CNTN4: variants seen among roughly 807,000 people sequenced by gnomAD.
The protein encoded by CNTN4 is contactin-4.
Under a neutral mutation model 122.5 loss-of-function variants are expected in CNTN4, and 77 were observed. The ratio of observed to expected loss-of-function variants is 0.63; its 90% CI spans 0.52 to 0.76. The LOEUF (loss-of-function observed/expected upper bound fraction) is 0.76. Among genes scored for constraint, CNTN4 ranks in the 30% least tolerant of loss-of-function variants. The probability of loss-of-function intolerance (pLI) is 0.00; values close to 1 mark genes in which losing one functional copy is unlikely to be tolerated. For missense variants in CNTN4, 1,256 were observed against 1,259.1 expected (o/e 1.00, Z 0.04); for synonymous variants, 512 against 447.0 (o/e 1.15, Z -1.83).
chr3:2,405,291 G>A (rs1338900137), intron 3 of CNTN4, among the ~76,000 whole-genome samples: 2 of 152,096 alleles, frequency 1.3e-5, no homozygotes, highest in South Asian at 2.1e-4. Context: ...CAACCCAGTA[G>A]CAATGAGCAC....
chr3:2,276,967 A>T (rs2041534353), intron 2 of CNTN4, among the ~76,000 whole-genome samples: 1 of 152,174 alleles, frequency 6.6e-6, no homozygotes, highest in African/African-American at 2.4e-5. Flanking sequence ...CAGTTGCTTT[A>T]AAAAAATCCA....
chr3:2,171,436 C>T (rs993349684), intron 2 of CNTN4, among the ~76,000 whole-genome samples: 14 of 152,064 alleles, frequency 9.2e-5, no homozygotes, highest in Non-Finnish European at 1.8e-4. Context: ...AAACTAATAC[C>T]AACTTCAAGA....
At chr3:2,148,350 A>G (rs1217295190) in intron 2 of CNTN4, among the ~76,000 whole-genome samples, 2 of 151,870 alleles carry the variant, frequency 1.3e-5, no homozygotes, top group East Asian at 3.9e-4. Context: ...CCTGGGCATT[A>G]TAGGGGTACC....
chr3:2,585,499 C>T (rs1360059692), intron 4 of CNTN4, among the ~76,000 whole-genome samples: 1 of 152,126 alleles, frequency 6.6e-6, no homozygotes, highest in Non-Finnish European at 1.5e-5. Context: ...CCATGGAATA[C>T]TATGCAGCCA....
chr3:2,288,396 A>G (rs1258825603), intron 2 of CNTN4, among the ~76,000 whole-genome samples: 1 of 152,076 alleles, frequency 6.6e-6, no homozygotes, highest in Non-Finnish European at 1.5e-5. Context: ...CTTTTTAACA[A>G]CCATCTCTTG....
chr3:2,223,015 A>G (rs566449099), intron 2 of CNTN4, among the ~76,000 whole-genome samples: 2 of 152,284 alleles, frequency 1.3e-5, no homozygotes, highest in African/African-American at 2.4e-5. Context: ...TTGTGCTACC[A>G]TGTTTTATGC....
At chr3:2,285,054 A>T (rs1451235526) in intron 2 of CNTN4, among the ~76,000 whole-genome samples, 1 of 151,980 alleles carries the variant, frequency 6.6e-6, no homozygotes, top group African/African-American at 2.4e-5. Flanking sequence ...AGAGAGACAA[A>T]TGATACAAAT....
chr3:2,204,372 C>G (rs558294705), intron 2 of CNTN4, among the ~76,000 whole-genome samples: 1 of 152,104 alleles, frequency 6.6e-6, no homozygotes, highest in Non-Finnish European at 1.5e-5. Context: ...TATGTAACTA[C>G]GCAGAAAAAT....
Position 2,938,806 on chromosome 3 carries a change from C to T in CNTN4, c.1358+13027C>T, listed in dbSNP as rs968868782. ...CCTTTGGAGAAGAGGTAAATTAAGT[C>T]CTTGAACTACCTCAGCCGTGCCTTT... is the stretch of plus-strand genomic sequence containing the variant. On this transcript the variant is annotated intron_variant, in intron 13 of 24. Transcript: ENST00000418658. Among the ~76,000 whole-genome samples, 3 of 152,158 alleles carry T rather than the reference C, an allele frequency of 2.0e-5. No individual in the cohort carries two copies. In the South Asian group the frequency reaches 6.2e-4, roughly 32 times the overall value.
chr3:2,752,491 A>G (rs1010165656), intron 6 of CNTN4, among the ~76,000 whole-genome samples: 3 of 151,996 alleles, frequency 2.0e-5, no homozygotes, highest in Middle Eastern at 3.2e-3. Flanking sequence ...TCAGCCTCCC[A>G]TGTAGCTGGG....
In CNTN4 at chr3:3,057,468, G is replaced by A. The variant is rs567225513; in HGVS notation, c.*1248G>A. On this transcript the variant is annotated 3_prime_UTR_variant, in exon 25 of 25. Transcript: ENST00000418658. ...CAACAAAACTGTATTCTTATGAAAA[G>A]AACTATTTGTTACAATGAGAAAGGT... 1 of 152,566 alleles carries A rather than the reference G, an allele frequency of 6.6e-6. No homozygotes were observed. The highest frequency in any genetic ancestry group is 2.4e-5 in the African/African-American group (1 of 41,428). The allele number at this position is 152,566 out of a possible 1,614,324, so 9.5% of individuals were successfully genotyped here. A position where few individuals can be genotyped will look rare whatever the true frequency, so the allele number is the denominator to read the frequency against.
At chr3:2,392,404 G>A (rs1046026501) in intron 3 of CNTN4, among the ~76,000 whole-genome samples, 2 of 152,022 alleles carry the variant, frequency 1.3e-5, no homozygotes, top group African/African-American at 4.8e-5. Flanking sequence ...AAATGTCTCT[G>A]GTTGGCTTCC....
At chr3:2,259,343 T>A (rs1321761162) in intron 2 of CNTN4, among the ~76,000 whole-genome samples, 1 of 152,222 alleles carries the variant, frequency 6.6e-6, no homozygotes, top group African/African-American at 2.4e-5. Flanking sequence ...GAGCTTTTCA[T>A]AGGAATTCTT....
chr3:2,225,145 T>C (rs947859767), intron 2 of CNTN4, among the ~76,000 whole-genome samples: 2 of 141,950 alleles, frequency 1.4e-5, no homozygotes, highest in Non-Finnish European at 1.5e-5. Flanking sequence ...GGCGAGACTC[T>C]GTACCCACCA....
chr3:2,257,368 C>T (rs1345952639), intron 2 of CNTN4, among the ~76,000 whole-genome samples: 1 of 152,186 alleles, frequency 6.6e-6, no homozygotes, highest in Non-Finnish European at 1.5e-5. Context: ...CCATCTAGGA[C>T]ATAGGCATGG....
At chr3:2,743,072 A>G (rs2089549730) in intron 5 of CNTN4, among the ~76,000 whole-genome samples, 1 of 152,172 alleles carries the variant, frequency 6.6e-6, no homozygotes, top group South Asian at 2.1e-4. Context: ...GTGTAGGAAA[A>G]CCTACAGAGG....
intron 6 of CNTN4, among the ~76,000 whole-genome samples, chr3:2,803,939 G>T (rs2092405427): frequency 6.6e-6 from 1 of 151,948 alleles, no homozygotes; most frequent in South Asian, 2.1e-4. Context: ...GAGTCTCAAA[G>T]GAATCATGTT....
chr3:2,458,693 C>G (rs1404595096), intron 3 of CNTN4, among the ~76,000 whole-genome samples: 2 of 152,028 alleles, frequency 1.3e-5, no homozygotes, highest in East Asian at 1.9e-4. Flanking sequence ...TAAAGACAAG[C>G]CAAATGGTTG....
At chr3:2,585,839 A>C (rs78780247) in intron 4 of CNTN4, among the ~76,000 whole-genome samples, 2 of 144,416 alleles carry the variant, frequency 1.4e-5, no homozygotes, top group African/African-American at 5.1e-5. Flanking sequence ...AAAGTATAAT[A>C]AAAAAAAAAA....
Sources: gnomAD v4.1 joint callset for allele counts (sites outside exome capture counted in the v4.1 genomes callset) on GRCh38, gnomAD v4.1.1 for gene constraint, MANE v1.5 for transcripts, NCBI Gene and HGNC (gene_info 2026-07-23, HGNC 2026-07-21) for gene names.